The following EIF4G1 variants were observed in gnomAD, a reference collection of about 807,000 sequenced individuals.
The protein encoded by EIF4G1 is eukaryotic translation initiation factor 4 gamma 1.
A neutral mutation model predicts 187.8 loss-of-function variants in EIF4G1; 4 were observed. The observed-to-expected ratio is 0.02, with a 90% CI of 0.01 to 0.05. The LOEUF (loss-of-function observed/expected upper bound fraction) is 0.05, where lower values mean the gene tolerates loss of function less well. EIF4G1 is among the 10% of genes least tolerant of loss of function. The probability of loss-of-function intolerance (pLI) is 1.00; values close to 1 mark genes in which losing one functional copy is unlikely to be tolerated. For synonymous variants in EIF4G1, 844 were observed against 781.4 expected (o/e 1.08, Z -1.34); for missense variants, 1,647 against 2,081.1 (o/e 0.79, Z 4.06).
rs1165347630 is a variant in EIF4G1 at position 184,324,858 on chromosome 3, C to T, written c.2620-20C>T. The T allele has an allele frequency of 6.2e-7, 1 of 1,610,998 alleles. No individual in the cohort carries two copies. The highest frequency in any genetic ancestry group is 8.5e-7 in the Non-Finnish European group (1 of 1,179,046). ...TGGCTGGTTATCTTTTTGACACAAT[C>T]CCTGTCCTGTGAATGGCAGGCAGAG... On this transcript the variant is annotated intron_variant, in intron 17 of 32. Coordinates refer to ENST00000346169, the MANE Select transcript of EIF4G1 (RefSeq NM_198241.3).
intron 6 of EIF4G1, 26 bp downstream of exon 6, chr3:184,317,842 G>A (rs1318090978): frequency 1.3e-6 from 2 of 1,550,816 alleles, no homozygotes; most frequent in South Asian, 1.1e-5. Flanking sequence ...AGTCAGAGGT[G>A]AGAACAAGCC....
In EIF4G1 at chr3:184,322,831, G is replaced by A; in HGVS notation, c.1806G>A (p.Lys602=). ...CTGTTTTCCTTGCAGATCAGTGGAA[G>A]CCTCTAAACCTAGAGGAGAAAAAAC... ...QKYEYKSDQW[K]PLNLEEKKRY... Residue 602 remains lysine, a synonymous_variant, in exon 13 of 33, where the codon AAG becomes AAA. Coordinates refer to ENST00000346169, the MANE Select transcript of EIF4G1 (RefSeq NM_198241.3). 1 of 1,614,216 alleles carries A rather than the reference G, an allele frequency of 6.2e-7. No homozygotes were observed.
chr3:184,334,882 G>A lies in EIF4G1; in HGVS notation c.4774G>A (p.Ala1592Thr). 6.2e-7 allele frequency: 1 copy of A among 1,614,220 alleles called. No homozygotes were observed. The highest frequency in any genetic ancestry group is 8.5e-7 in the Non-Finnish European group (1 of 1,180,024). Residue 1592 changes from alanine to threonine, a missense_variant, in exon 33 of 33, where the codon GCA becomes ACA. Ala to Thr is a moderately conservative substitution (Grantham distance 58). Around this residue, in one of 11 missense-constraint regions of EIF4G1, gnomAD observed 543 missense variants for 638.0 expected, o/e 0.85. Transcript: ENST00000346169. The surrounding 1 kb of genome is among the most constrained non-coding windows in gnomAD (Gnocchi z 5.8). ...VTAFFKWLREAEEESDHN is the reference protein window; with the variant it reads ...VTAFFKWLRETEEESDHN ...AGCCTTCTTCAAGTGGCTCCGTGAA[G>A]CAGAGGAGGAGTCTGACCACAACTG...
Position 184,315,743 on chromosome 3 carries a change from G to C in EIF4G1, c.-34-20G>C. 1 of 1,538,782 alleles carries C rather than the reference G, an allele frequency of 6.5e-7. No homozygotes were observed. On this transcript the variant is annotated intron_variant, in intron 2 of 32. Transcript: ENST00000346169. ...AGCTTGGGTCCCTTCCTCTTCCTGAGCGCCACTCTTTCCCAACAGGTGCTG... is the reference window on the plus strand; with the variant it reads ...AGCTTGGGTCCCTTCCTCTTCCTGACCGCCACTCTTTCCCAACAGGTGCTG...
chr3:184,334,903 A>C lies in EIF4G1; in HGVS notation c.4795A>C (p.Asn1599His). 1 of 1,614,092 alleles carries C rather than the reference A, an allele frequency of 6.2e-7. No individual in the cohort carries two copies. Among genetic ancestry groups the C allele is most frequent in the Non-Finnish European group, 8.5e-7 (1 of 1,179,996 alleles). ...LREAEEESDH[N>H] ...TGAAGCAGAGGAGGAGTCTGACCACAACTGAGGGCTGGTGGGGCCGGGGAC... is the reference window on the plus strand; with the variant it reads ...TGAAGCAGAGGAGGAGTCTGACCACCACTGAGGGCTGGTGGGGCCGGGGAC... The change falls in exon 33 of 33, where the codon AAC (asparagine) becomes CAC (histidine). Residue 1599 changes from asparagine to histidine, a missense_variant. By Grantham distance (68) the Asn-to-His change is moderately conservative (BLOSUM62 1). Transcript: ENST00000346169. This position sits in a 1 kb window ranked among gnomAD's most constrained non-coding sequence, Gnocchi z 5.8.
chr3:184,331,855 A>C (rs1726175802), intron 31 of EIF4G1, 46 bp downstream of exon 31: 1 of 1,613,896 alleles, frequency 6.2e-7, no homozygotes, highest in African/African-American at 1.3e-5. Flanking sequence ...GGCCTGACAG[A>C]CAAGTGGAGG....
rs376223474 is a variant in EIF4G1, at chr3:184,322,629, C to T, written c.1694C>T (p.Pro565Leu). 5.0e-6 allele frequency: 8 copies of T among 1,614,044 alleles called. No individual in the cohort carries two copies. The African/African-American group carries it at 9.3e-5, about 19-fold the overall frequency. ...GPESEGSGVP[P>L]RPEEADETWD... ...GAGTCTGAGGGCAGTGGTGTGCCCC[C>T]ACGTCCTGAGGAAGCAGATGAGACC... Residue 565 changes from proline to leucine, a missense_variant, in exon 12 of 33, where the codon CCA (proline) becomes CTA (leucine). Pro to Leu is a moderately conservative substitution (Grantham distance 98). This residue lies in a region of EIF4G1 where 522 missense variants were observed against 485.2 expected (regional missense o/e 1.08). Transcript: ENST00000346169.
Position 184,327,859 on chromosome 3 carries a change from C to T in EIF4G1, c.3810C>T (p.Ala1270=), listed in dbSNP as rs763831598. ...CAGTCCAGTGCGTGCAGGAGCTGGCCTCACCCTCCTTGCTCTTCATCTTTG... is the reference window on the plus strand; with the variant it reads ...CAGTCCAGTGCGTGCAGGAGCTGGCTTCACCCTCCTTGCTCTTCATCTTTG... ...KEAVQCVQEL[A]SPSLLFIFVR... The change falls in exon 26 of 33, where the codon GCC becomes GCT. Residue 1270 remains alanine (A), a synonymous_variant. Coordinates refer to ENST00000346169, the MANE Select transcript of EIF4G1 (RefSeq NM_198241.3). 6 of 1,614,032 alleles carry T rather than the reference C, an allele frequency of 3.7e-6. No homozygotes were observed. Among genetic ancestry groups the T allele is most frequent in the Non-Finnish European group, 5.1e-6 (6 of 1,180,030 alleles).
chr3:184,320,821 C>T, intron 8 of EIF4G1, 99 bp downstream of exon 8: 1 of 1,606,420 alleles, frequency 6.2e-7, no homozygotes, highest in Non-Finnish European at 8.5e-7. Flanking sequence ...GGATTTATTT[C>T]CCTGCTTTCC....
rs370972530 is a variant in EIF4G1, at chr3:184,316,141, C to T, written c.70C>T (p.Pro24Ser). The change falls in exon 4 of 33, where the codon CCC (proline) becomes TCC (serine). Residue 24 changes from proline to serine, a missense_variant. Physicochemically the swap from Pro to Ser is moderately conservative, Grantham distance 74. This residue lies in a region of EIF4G1 where 61 missense variants were observed against 49.5 expected (regional missense o/e 1.23). Coordinates refer to ENST00000346169, the MANE Select transcript of EIF4G1 (RefSeq NM_198241.3). ...PSPGLPQPAF[P>S]PGQTAPVVFS... is the part of the protein sequence containing the mutation. ...GGTCTCCCCTCTTCAGCCAGCGTTTCCCCCGGGGCAGACAGCGCCGGTGGT... is the reference window on the plus strand; with the variant it reads ...GGTCTCCCCTCTTCAGCCAGCGTTTTCCCCGGGGCAGACAGCGCCGGTGGT... The T allele has an allele frequency of 1.2e-5, 20 of 1,614,034 alleles. No individual in the cohort carries two copies. The highest frequency in any genetic ancestry group is 3.3e-4 in the Middle Eastern group (2 of 6,084).
intron 28 of EIF4G1, among the ~76,000 whole-genome samples, chr3:184,329,483 T>G (rs917275702): frequency 6.6e-6 from 1 of 151,912 alleles, no homozygotes; most frequent in African/African-American, 2.4e-5. Flanking sequence ...ACACAAAAAT[T>G]AGCCGTGTTG....
chr3:184,330,245 G>A (rs1049810656), intron 28 of EIF4G1, among the ~76,000 whole-genome samples: 27 of 152,252 alleles, frequency 1.8e-4, no homozygotes, highest in African/African-American at 6.0e-4. Context: ...TGGACATGGT[G>A]GTGCGCACCT....
At position 184,327,719 on chromosome 3, in the gene EIF4G1, C is replaced by T. The variant is rs140749606; in HGVS notation, c.3780+15C>T. On this transcript the variant is annotated intron_variant, in intron 25 of 32. Coordinates refer to ENST00000346169, the MANE Select transcript of EIF4G1 (RefSeq NM_198241.3). ...ATGACATGAAAGTAGGCAGTGGGAG[C>T]GGCGTGTGATTGAGGAGTGGGCAGG... The T allele has an allele frequency of 3.2e-5, 52 of 1,613,364 alleles. No individual in the cohort carries two copies. Among genetic ancestry groups the T allele is most frequent in the East Asian group, 4.5e-5 (2 of 44,866 alleles).
chr3:184,334,007 G>C lies in EIF4G1; in HGVS notation c.4619-720G>C, dbSNP rs1295353690. 6.6e-6 allele frequency among the ~76,000 whole-genome samples: 1 copy of C among 152,162 alleles called. No homozygotes were observed. The highest frequency in any genetic ancestry group is 1.5e-5 in the Non-Finnish European group (1 of 68,030). On this transcript the variant is annotated intron_variant, in intron 32 of 32. Coordinates refer to ENST00000346169, the MANE Select transcript of EIF4G1 (RefSeq NM_198241.3). The surrounding 1 kb of genome is among the most constrained non-coding windows in gnomAD (Gnocchi z 5.8). ...CTGGGCATGCCCTGCAGAACATCCTGGCTGGCAGCATCTCATAGATGGCTT... is the reference window on the plus strand; with the variant it reads ...CTGGGCATGCCCTGCAGAACATCCTCGCTGGCAGCATCTCATAGATGGCTT...
chr3:184,326,342 C>T (rs1052008646), intron 21 of EIF4G1, among the ~76,000 whole-genome samples, 185 bp from the exon 22 acceptor site: 7 of 152,196 alleles, frequency 4.6e-5, no homozygotes, highest in African/African-American at 1.7e-4. Flanking sequence ...CCTTTATCAT[C>T]TACAGCTGGT....
In EIF4G1 at chr3:184,316,346, G is replaced by A. The variant is rs1722776259; in HGVS notation, c.147+128G>A. 6.5e-6 allele frequency: 8 copies of A among 1,231,260 alleles called. No individual in the cohort carries two copies. The South Asian group carries it at 8.3e-5, about 13-fold the overall frequency. 76.3% of individuals were successfully genotyped at this position (1,231,260 alleles called of 1,614,324 possible). A position where few individuals can be genotyped will look rare whatever the true frequency, so the allele number is the denominator to read the frequency against. On this transcript the variant is annotated intron_variant, in intron 4 of 32. Transcript: ENST00000346169. ...TTAATCCTCTGTGTTCTTTCATGCG[G>A]CTCTGCGCCTTGCCCTGTTGATTAC... is the stretch of plus-strand genomic sequence containing the variant.
chr3:184,328,356 A>G, intron 26 of EIF4G1: 1 of 515,240 alleles, frequency 1.9e-6, no homozygotes, highest in Non-Finnish European at 3.5e-6. Context: ...GTGCCATTGC[A>G]CTCCAGCCTG....
Position 184,315,476 on chromosome 3 carries a change from C to T in EIF4G1, c.-91-13C>T, listed in dbSNP as rs749738659. The stretch of plus-strand genomic sequence containing the variant: ...CGCGGAGCCAGGTTGATACCCTCAC[C>T]TCCCAACCCCAGGCCCTCGGATGCC... On this transcript the variant is annotated splice_polypyrimidine_tract_variant and intron_variant, in intron 1 of 32. Coordinates refer to ENST00000346169, the MANE Select transcript of EIF4G1 (RefSeq NM_198241.3). 1.0e-4 allele frequency: 65 copies of T among 631,170 alleles called. No individual in the cohort carries two copies. The highest frequency in any genetic ancestry group is 6.9e-4 in the Admixed American group (38 of 54,828). 39.1% of individuals were successfully genotyped at this position (631,170 alleles called of 1,614,324 possible). A position where few individuals can be genotyped will look rare whatever the true frequency, so the allele number is the denominator to read the frequency against.
At position 184,322,468 on chromosome 3, in the gene EIF4G1, GGGAGGGGAGAGGGCCAA is replaced by G. The variant is rs1724078292; in HGVS notation, c.1608+20_1608+36del. 6.2e-7 allele frequency: 1 copy of G among 1,613,928 alleles called. No homozygotes were observed. The highest frequency in any genetic ancestry group is 8.5e-7 in the Non-Finnish European group (1 of 1,179,998). ...TCAAGGAGGTAAGGGAGCAGAAAAT[GGGAGGGGAGAGGGCCAA>G]GTTGAGGTATGGAGCAGTGGTCATT... On this transcript the variant is annotated intron_variant, in intron 11 of 32. Transcript: ENST00000346169.
Sources: gnomAD v4.1 joint callset for allele counts (sites outside exome capture counted in the v4.1 genomes callset) on GRCh38, gnomAD v4.1.1 for gene constraint, gnomAD v4.1.1 regional missense constraint, Gnocchi (gnomAD v3.1) non-coding constraint, MANE v1.5 for transcripts, NCBI Gene and HGNC (gene_info 2026-07-23, HGNC 2026-07-21) for gene names.